The following EXOC6B variants were observed in gnomAD, a reference collection of about 807,000 sequenced individuals.
EXOC6B encodes exocyst complex component 6B, also known as SEC15 homolog B.
Under a neutral mutation model 113.5 loss-of-function variants are expected in EXOC6B, and 54 were observed. The observed-to-expected ratio is 0.48, with a 90% CI of 0.38 to 0.60. The LOEUF is 0.60. EXOC6B is among the 20% of genes least tolerant of loss of function. The pLI is 0.00. For missense variants in EXOC6B, 797 were observed against 977.5 expected (o/e 0.82, Z 2.46); for synonymous variants, 357 against 339.0 (o/e 1.05, Z -0.58).
At chr2:72,814,701 T>G (rs974992265) in intron 1 of EXOC6B, among the ~76,000 whole-genome samples, 1 of 152,184 alleles carries the variant, frequency 6.6e-6, no homozygotes, top group African/African-American at 2.4e-5. Context: ...TTTAAAAAAA[T>G]TATAATTCTG....
chr2:72,276,263 T>C (rs1558513102), intron 20 of EXOC6B, among the ~76,000 whole-genome samples: 1 of 152,268 alleles, frequency 6.6e-6, no homozygotes, highest in East Asian at 1.9e-4. Context: ...AGCAGCCTTG[T>C]ATTAAATTCT....
intron 11 of EXOC6B, among the ~76,000 whole-genome samples, chr2:72,500,782 T>C (rs2105593368): frequency 6.6e-6 from 1 of 152,316 alleles, no homozygotes; most frequent in South Asian, 2.1e-4. Flanking sequence ...GAGATTCAAA[T>C]TCTTTAATTA....
intron 7 of EXOC6B, among the ~76,000 whole-genome samples, chr2:72,573,903 C>T (rs775438804): frequency 6.6e-5 from 10 of 152,020 alleles, no homozygotes; most frequent in Non-Finnish European, 8.8e-5. Flanking sequence ...ATCACGACGT[C>T]GGGTGATCCA....
chr2:72,201,124 C>A (rs1411002908), intron 20 of EXOC6B, among the ~76,000 whole-genome samples: 1 of 151,986 alleles, frequency 6.6e-6, no homozygotes, highest in Non-Finnish European at 1.5e-5. Context: ...ACTAGGCATA[C>A]ATATGTGACA....
intron 19 of EXOC6B, among the ~76,000 whole-genome samples, chr2:72,346,421 G>C (rs907107775): frequency 1.3e-5 from 2 of 152,112 alleles, no homozygotes; most frequent in African/African-American, 4.8e-5. Flanking sequence ...CCTGGAGAGA[G>C]GCATTGTTTT....
intron 6 of EXOC6B, among the ~76,000 whole-genome samples, chr2:72,673,459 A>T (rs907432495): frequency 2.6e-5 from 4 of 152,204 alleles, no homozygotes; most frequent in African/African-American, 9.6e-5. Context: ...ATTCAAGCTA[A>T]GTCATATTCT....
intron 21 of EXOC6B, among the ~76,000 whole-genome samples, chr2:72,179,985 C>T (rs1438228055): frequency 6.6e-6 from 1 of 152,228 alleles, no homozygotes; most frequent in African/African-American, 2.4e-5. Context: ...CTCTAGCTGG[C>T]TACTCTATCC....
intron 16 of EXOC6B, among the ~76,000 whole-genome samples, chr2:72,491,136 C>T (rs186647804): frequency 1.1e-4 from 17 of 152,266 alleles, no homozygotes; most frequent in Non-Finnish European, 1.6e-4. Flanking sequence ...TTTTCAGATA[C>T]ATAAAGGCAA....
intron 1 of EXOC6B, among the ~76,000 whole-genome samples, chr2:72,823,149 C>T (rs1573855532): frequency 1.2e-5 from 1 of 85,092 alleles, no homozygotes; most frequent in Non-Finnish European, 2.1e-5. Context: ...GTGTAATCTG[C>T]TAAAAAAAAA....
At chr2:72,273,760 G>A (rs1684648285) in intron 20 of EXOC6B, among the ~76,000 whole-genome samples, 2 of 152,106 alleles carry the variant, frequency 1.3e-5, no homozygotes, top group South Asian at 4.1e-4. Flanking sequence ...AAGGGCTTAG[G>A]ACCTTCCTTG....
intron 1 of EXOC6B, among the ~76,000 whole-genome samples, chr2:72,820,900 G>T (rs1018212268): frequency 1.3e-5 from 2 of 151,610 alleles, no homozygotes; most frequent in African/African-American, 4.8e-5. Context: ...AAAAATATAG[G>T]AGCAAATCTT....
At chr2:72,271,770 A>G (rs1331710675) in intron 20 of EXOC6B, among the ~76,000 whole-genome samples, 1 of 152,150 alleles carries the variant, frequency 6.6e-6, no homozygotes, top group African/African-American at 2.4e-5. Context: ...CTGCACCTGC[A>G]GTTCACAATG....
chr2:72,503,679 G>GT (rs2105610196), intron 11 of EXOC6B, among the ~76,000 whole-genome samples: 1 of 152,268 alleles, frequency 6.6e-6, no homozygotes, highest in African/African-American at 2.4e-5. Flanking sequence ...TAGTGTGGAA[G>GT]TAAGTTTTCA....
intron 8 of EXOC6B, among the ~76,000 whole-genome samples, chr2:72,524,701 C>G (rs940209208): frequency 6.6e-6 from 1 of 152,096 alleles, no homozygotes; most frequent in Admixed American, 6.5e-5. Context: ...CATGGCACAC[C>G]TATACCAAAA....
At chr2:72,451,767 C>T (rs559112184) in intron 18 of EXOC6B, among the ~76,000 whole-genome samples, 2 of 151,700 alleles carry the variant, frequency 1.3e-5, no homozygotes, top group East Asian at 3.9e-4. Flanking sequence ...GAGCTAAAGA[C>T]CAAGAAGCCT....
intron 19 of EXOC6B, among the ~76,000 whole-genome samples, chr2:72,344,805 G>GA (rs201825707): frequency 5.3e-4 from 79 of 147,688 alleles, no homozygotes; most frequent in South Asian, 1.5e-3. Flanking sequence ...TGGGGAAAAA[G>GA]AAAAAAAAAT....
intron 6 of EXOC6B, among the ~76,000 whole-genome samples, chr2:72,699,265 G>A (rs1678118954): frequency 1.3e-5 from 2 of 152,108 alleles, no homozygotes; most frequent in Admixed American, 1.3e-4. Flanking sequence ...GGATCACGAG[G>A]TCAGGAGTTC....
At chr2:72,768,159 T>C (rs559048560) in intron 1 of EXOC6B, among the ~76,000 whole-genome samples, 5 of 147,178 alleles carry the variant, frequency 3.4e-5, no homozygotes, top group South Asian at 2.1e-4. Flanking sequence ...AAGAAAGAAA[T>C]TGAAACAGAA....
At chr2:72,815,247 T>C (rs1008709567) in intron 1 of EXOC6B, among the ~76,000 whole-genome samples, 1 of 151,972 alleles carries the variant, frequency 6.6e-6, no homozygotes, top group Admixed American at 6.6e-5. Flanking sequence ...TCCTAGCACT[T>C]TGGGTGGCGA....
Sources: allele counts gnomAD v4.1 joint callset (sites outside exome capture counted in the v4.1 genomes callset), GRCh38; gene constraint gnomAD v4.1.1; transcripts MANE v1.5; gene names NCBI Gene and HGNC (gene_info 2026-07-23, HGNC 2026-07-21).